TATDN1: variants seen among roughly 807,000 people sequenced by gnomAD.
The protein encoded by TATDN1 is deoxyribonuclease TATDN1.
Under a neutral mutation model 46.4 loss-of-function variants are expected in TATDN1, and 40 were observed. That is an observed-to-expected ratio of 0.86 (90% confidence interval 0.67 to 1.12). The LOEUF (loss-of-function observed/expected upper bound fraction) is 1.12, where lower values mean the gene tolerates loss of function less well. TATDN1 is among the 50% of genes most tolerant of loss of function. The probability of loss-of-function intolerance (pLI) is 0.00; values close to 1 mark genes in which losing one functional copy is unlikely to be tolerated. For synonymous variants in TATDN1, 95 were observed against 105.6 expected (o/e 0.90, Z 0.62); for missense variants, 326 against 348.4 (o/e 0.94, Z 0.51).
chr8:124,521,283 C>G (rs1820022688), intron 3 of TATDN1, among the ~76,000 whole-genome samples: 1 of 152,178 alleles, frequency 6.6e-6, no homozygotes, highest in Middle Eastern at 3.4e-3. Flanking sequence ...GGAACCATGT[C>G]CAAGTAAAAA....
chr8:124,533,898 GCA>G (rs1268782017), intron 1 of TATDN1, among the ~76,000 whole-genome samples: 1 of 152,028 alleles, frequency 6.6e-6, no homozygotes, highest in Admixed American at 6.6e-5. Flanking sequence ...TATAATCCCA[GCA>G]CTTTGGGAGG....
At chr8:124,534,384 T>G (rs1434145148) in intron 1 of TATDN1, among the ~76,000 whole-genome samples, 1 of 152,232 alleles carries the variant, frequency 6.6e-6, no homozygotes, top group Non-Finnish European at 1.5e-5. Flanking sequence ...ATTTACATAC[T>G]GTCTATCACC....
intron 1 of TATDN1, chr8:124,523,248 A>G (rs746301238): frequency 1.5e-5 from 7 of 462,850 alleles, no homozygotes; most frequent in Non-Finnish European, 2.7e-5. Context: ...ACAATTATGA[A>G]ATATTAGAAG....
At chr8:124,509,460 C>T (rs556938042) in intron 6 of TATDN1, among the ~76,000 whole-genome samples, 19 of 152,274 alleles carry the variant, frequency 1.2e-4, no homozygotes, top group South Asian at 6.2e-4. Context: ...GAGGATACAA[C>T]GAATGTTCAT....
At chr8:124,515,274 G>A (rs1437144602) in intron 6 of TATDN1, among the ~76,000 whole-genome samples, 1 of 152,082 alleles carries the variant, frequency 6.6e-6, no homozygotes. Context: ...CCAGCTACTC[G>A]GGAGGCTGAG....
At position 124,505,002 on chromosome 8, in the gene TATDN1, G is replaced by A. The variant is rs893589916; in HGVS notation, c.517-655C>T. On this transcript the variant is annotated intron_variant, in intron 8 of 11. Transcript: ENST00000276692. The stretch of plus-strand genomic sequence containing the variant: ...ACTCCCGACCTCAGGTGATTCGCCC[G>A]CCTCGGCCTCCCAAAATGCTGGGAT... 6.0e-5 allele frequency among the ~76,000 whole-genome samples: 9 copies of A among 150,304 alleles called. No homozygotes were observed. The South Asian group carries it at 6.4e-4, about 11-fold the overall frequency.
At chr8:124,518,763 CT>C (rs761195044) in intron 4 of TATDN1, 54 bp downstream of exon 4, 1 of 1,333,392 alleles carries the variant, frequency 7.5e-7, no homozygotes, top group Non-Finnish European at 1.1e-6. Context: ...TTCAGAAAGA[CT>C]TCTTCAAAAT....
intron 11 of TATDN1, among the ~76,000 whole-genome samples, chr8:124,490,504 T>A (rs980095580): frequency 6.6e-6 from 1 of 151,550 alleles, no homozygotes; most frequent in Non-Finnish European, 1.5e-5. Flanking sequence ...AGCGAGACTC[T>A]CTCTCCAAAA....
intron 10 of TATDN1, 57 bp from the exon 11 acceptor site, chr8:124,494,016 G>A: frequency 6.6e-7 from 1 of 1,504,742 alleles, no homozygotes; most frequent in East Asian, 2.3e-5. Context: ...AATTTTTTAT[G>A]ACCATTATCT....
chr8:124,496,311 C>T (rs1020640357), intron 9 of TATDN1, among the ~76,000 whole-genome samples: 2 of 152,176 alleles, frequency 1.3e-5, no homozygotes, highest in Admixed American at 1.3e-4. Context: ...GTGGTAGGTA[C>T]GTTTATCATT....
chr8:124,527,215 G>A (rs1183308015), intron 1 of TATDN1, among the ~76,000 whole-genome samples: 6 of 152,178 alleles, frequency 3.9e-5, no homozygotes, highest in African/African-American at 9.7e-5. Flanking sequence ...GGATTCATGC[G>A]TGTATGATAA....
intron 4 of TATDN1, 156 bp downstream of exon 4, chr8:124,518,662 G>C (rs1286305145): frequency 3.3e-6 from 2 of 610,386 alleles, no homozygotes; most frequent in Non-Finnish European, 5.9e-6. Context: ...TGAGTACTTT[G>C]AATTTTGTCA....
intron 1 of TATDN1, among the ~76,000 whole-genome samples, chr8:124,527,596 G>A (rs1820606923): frequency 6.6e-6 from 1 of 152,042 alleles, no homozygotes; most frequent in Non-Finnish European, 1.5e-5. Context: ...AATCATGGCT[G>A]GAAAACTTAG....
intron 1 of TATDN1, among the ~76,000 whole-genome samples, chr8:124,531,385 AT>A (rs1820940703): frequency 6.6e-6 from 1 of 152,166 alleles, no homozygotes; most frequent in African/African-American, 2.4e-5. Flanking sequence ...GCTTTCAATG[AT>A]CCCATTAGAC....
At chr8:124,518,161 G>A (rs1586639899) in intron 4 of TATDN1, among the ~76,000 whole-genome samples, 1 of 137,494 alleles carries the variant, frequency 7.3e-6, no homozygotes, top group African/African-American at 2.7e-5. Context: ...GCAGTGAGCC[G>A]AGATTGCGCC....
chr8:124,490,736 C>G (rs999494738), intron 11 of TATDN1, among the ~76,000 whole-genome samples: 1 of 147,410 alleles, frequency 6.8e-6, no homozygotes, highest in Admixed American at 6.9e-5. Flanking sequence ...GGCACTTTTA[C>G]AGTAAGCACA....
intron 3 of TATDN1, among the ~76,000 whole-genome samples, chr8:124,521,417 G>A (rs1820035230): frequency 6.6e-6 from 1 of 152,122 alleles, no homozygotes; most frequent in African/African-American, 2.4e-5. Flanking sequence ...TGTTTAAAGT[G>A]ATTTACCAAG....
rs781017440 is a variant in TATDN1 at position 124,523,052 on chromosome 8, T to A, written c.23-50A>T. 29 of 1,514,792 alleles carry A rather than the reference T, an allele frequency of 1.9e-5. No individual in the cohort carries two copies. The South Asian group carries it at 2.3e-4, about 12-fold the overall frequency. 93.8% of individuals were successfully genotyped at this position (1,514,792 alleles called of 1,614,324 possible). On this transcript the variant is annotated intron_variant, in intron 1 of 11. Transcript: ENST00000276692. ...TAATTATTGAGTCTCTACATGAAACTTGTACTTAAATAAAAAGCTTCTGTT... is the reference window on the plus strand; with the variant it reads ...TAATTATTGAGTCTCTACATGAAACATGTACTTAAATAAAAAGCTTCTGTT...
At chr8:124,495,967 T>C (rs1290873601) in intron 9 of TATDN1, among the ~76,000 whole-genome samples, 1 of 152,222 alleles carries the variant, frequency 6.6e-6, no homozygotes. Flanking sequence ...TTGCCATGGT[T>C]TCTTTGTAGG....
Sources: allele counts gnomAD v4.1 joint callset (sites outside exome capture counted in the v4.1 genomes callset), GRCh38; gene constraint gnomAD v4.1.1; transcripts MANE v1.5; gene names NCBI Gene and HGNC (gene_info 2026-07-23, HGNC 2026-07-21).